TTLL9: variants seen among roughly 807,000 people sequenced by gnomAD.
TTLL9 encodes the protein tubulin tyrosine ligase like 9.
TTLL9 carries 47 observed loss-of-function variants against 65.6 expected under a neutral mutation model. That is an observed-to-expected ratio of 0.72 (90% confidence interval 0.57 to 0.91). The LOEUF (loss-of-function observed/expected upper bound fraction) is 0.91. Ranked by LOEUF, TTLL9 falls within the 40% of genes least tolerant of loss-of-function variation. The pLI is 0.00. For missense variants in TTLL9, 537 were observed against 568.8 expected (o/e 0.94, Z 0.57); for synonymous variants, 179 against 204.8 (o/e 0.87, Z 1.07).
Position 31,943,279 on chromosome 20 carries a change from C to CAGTT in TTLL9, c.*261_*264dup, listed in dbSNP as rs775593292. 2 of 546,900 alleles carry CAGTT rather than the reference C, an allele frequency of 3.7e-6. No individual in the cohort carries two copies. Among genetic ancestry groups the CAGTT allele is most frequent in the Admixed American group, 6.3e-5 (2 of 31,992 alleles). The allele number at this position is 546,900 out of a possible 1,614,324, so 33.9% of individuals were successfully genotyped here. A position where few individuals can be genotyped will look rare whatever the true frequency, so the allele number is the denominator to read the frequency against. ...GTTTAACCTTGACAAACTGACTTGG[C>CAGTT]AGTTAGGCCCAAAGAGAACAAATAC... On this transcript the variant is annotated 3_prime_UTR_variant, in exon 15 of 15. Coordinates refer to ENST00000535842, the MANE Select transcript of TTLL9 (RefSeq NM_001008409.5).
intron 10 of TTLL9, among the ~76,000 whole-genome samples, chr20:31,933,451 TAAAAG>T (rs1410653294): frequency 1.3e-5 from 2 of 151,894 alleles, no homozygotes; most frequent in South Asian, 2.1e-4. Context: ...CCACAAAGGT[TAAAAG>T]AAAAGAAAAG....
At chr20:31,914,860 C>T (rs1282801135) in intron 6 of TTLL9, among the ~76,000 whole-genome samples, 2 of 152,224 alleles carry the variant, frequency 1.3e-5, no homozygotes, top group Non-Finnish European at 2.9e-5. Context: ...CCCTGGCAAA[C>T]ACTGCTAGAC....
chr20:31,919,760 T>G, intron 6 of TTLL9, 104 bp from the exon 7 acceptor site: 1 of 915,898 alleles, frequency 1.1e-6, no homozygotes, highest in African/African-American at 1.7e-5. Context: ...TGGGGGTTCA[T>G]AAGGAAAAAG....
At position 31,909,731 on chromosome 20, in the gene TTLL9, A is replaced by G; in HGVS notation, c.319-6A>G. Reference sequence around the variant, plus strand: ...CTAATGGCCGCCTGTCCTTCCCGCCACCCAGCTGACCCGGAAGAACTACAT... The same window carrying G: ...CTAATGGCCGCCTGTCCTTCCCGCCGCCCAGCTGACCCGGAAGAACTACAT... On this transcript the variant is annotated splice_region_variant and splice_polypyrimidine_tract_variant and intron_variant, in intron 5 of 14. Coordinates refer to ENST00000535842, the MANE Select transcript of TTLL9 (RefSeq NM_001008409.5). The G allele has an allele frequency of 6.2e-7, 1 of 1,612,530 alleles. No individual in the cohort carries two copies. The highest frequency in any genetic ancestry group is 1.7e-5 in the Admixed American group (1 of 59,974).
At position 31,943,612 on chromosome 20, in the gene TTLL9, C is replaced by A. The variant is rs1340364683; in HGVS notation, c.*591C>A. On this transcript the variant is annotated 3_prime_UTR_variant, in exon 15 of 15. Transcript: ENST00000535842. Reference sequence around the variant, plus strand: ...TCTTCTCCTTGCATGTCAGGGGAGCCCATGGGGCTCCCTGACCATCATCTG... The same window carrying A: ...TCTTCTCCTTGCATGTCAGGGGAGCACATGGGGCTCCCTGACCATCATCTG... 1 of 395,992 alleles carries A rather than the reference C, an allele frequency of 2.5e-6. No individual in the cohort carries two copies. Among genetic ancestry groups the A allele is most frequent in the Non-Finnish European group, 5.0e-6 (1 of 199,116 alleles). 24.5% of individuals were successfully genotyped at this position (395,992 alleles called of 1,614,324 possible).
intron 6 of TTLL9, among the ~76,000 whole-genome samples, chr20:31,915,979 G>C (rs1203530750): frequency 6.6e-6 from 1 of 152,192 alleles, no homozygotes; most frequent in Non-Finnish European, 1.5e-5. Context: ...AGCTTGGACA[G>C]TGCTTGACAA....
At chr20:31,913,292 C>T (rs973757237) in intron 6 of TTLL9, among the ~76,000 whole-genome samples, 1 of 152,242 alleles carries the variant, frequency 6.6e-6, no homozygotes, top group Non-Finnish European at 1.5e-5. Flanking sequence ...ACACCAGGTT[C>T]TGAGGGTGCT....
At chr20:31,935,409 G>A (rs2064093326) in intron 12 of TTLL9, among the ~76,000 whole-genome samples, 1 of 152,176 alleles carries the variant, frequency 6.6e-6, no homozygotes, top group African/African-American at 2.4e-5. Flanking sequence ...TGAGGGTCAG[G>A]GAGCTTGAGG....
chr20:31,925,918 T>C (rs2063896417), intron 9 of TTLL9, 131 bp from the exon 10 acceptor site: 1 of 1,553,608 alleles, frequency 6.4e-7, no homozygotes, highest in Non-Finnish European at 8.7e-7. Flanking sequence ...CTTTGCCCGA[T>C]TCTCCAACAC....
At chr20:31,871,036 C>T in intron 1 of TTLL9, 86 bp from the exon 2 acceptor site, 2 of 1,266,928 alleles carry the variant, frequency 1.6e-6, no homozygotes, top group Non-Finnish European at 2.3e-6. Flanking sequence ...CATTCTCCCA[C>T]CCTCCTGTTC....
At chr20:31,890,142 C>CT (rs1568753417) in intron 3 of TTLL9, among the ~76,000 whole-genome samples, 7 of 25,132 alleles carry the variant, frequency 2.8e-4, no homozygotes, top group African/African-American at 1.3e-3. Context: ...TCCTTCCTTC[C>CT]TTCCTTCCTT....
At chr20:31,918,550 A>G (rs1235244479) in intron 6 of TTLL9, among the ~76,000 whole-genome samples, 2 of 152,028 alleles carry the variant, frequency 1.3e-5, no homozygotes, top group Non-Finnish European at 2.9e-5. Flanking sequence ...TTTTAAAGCT[A>G]TTTTTAGTAG....
chr20:31,933,968 C>A, intron 11 of TTLL9, 110 bp downstream of exon 11: 1 of 1,190,000 alleles, frequency 8.4e-7, no homozygotes, highest in Non-Finnish European at 1.2e-6. Flanking sequence ...AGCCTGTGTT[C>A]ACCAGTGAGG....
chr20:31,913,864 G>T (rs116460736), intron 6 of TTLL9, among the ~76,000 whole-genome samples: 2,559 of 152,326 alleles, frequency 0.017, 70 homozygotes, highest in African/African-American at 0.058. Flanking sequence ...GGTTGGTGGG[G>T]AGGTGGGCAG....
At chr20:31,873,838 AAGAAAG>A (rs772223182) in intron 2 of TTLL9, among the ~76,000 whole-genome samples, 1 of 114,596 alleles carries the variant, frequency 8.7e-6, no homozygotes, top group Non-Finnish European at 1.9e-5. Context: ...GAAAGAAAGA[AAGAAAG>A]AAAGAAAGAA....
intron 14 of TTLL9, among the ~76,000 whole-genome samples, chr20:31,942,417 C>T (rs975217752): frequency 2.6e-5 from 4 of 152,174 alleles, no homozygotes; most frequent in African/African-American, 9.7e-5. Context: ...TTGTGCCTGG[C>T]ACATGGGTTG....
Position 31,870,657 on chromosome 20 carries a change from G to A in TTLL9, c.-298G>A, listed in dbSNP as rs1002540188. 1.0e-5 allele frequency: 13 copies of A among 1,253,300 alleles called. No individual in the cohort carries two copies. In the African/African-American group the frequency reaches 1.9e-4, roughly 18 times the overall value. 77.6% of individuals were successfully genotyped at this position (1,253,300 alleles called of 1,614,324 possible). A position where few individuals can be genotyped will look rare whatever the true frequency, so the allele number is the denominator to read the frequency against. Reference sequence around the variant, plus strand: ...CCAGTGTGCCGGGCCCACGGCCCGCGGGACAACGGCAGTTTGTTGGGGCCG... The same window carrying A: ...CCAGTGTGCCGGGCCCACGGCCCGCAGGACAACGGCAGTTTGTTGGGGCCG... On this transcript the variant is annotated 5_prime_UTR_variant, in exon 1 of 15. Coordinates refer to ENST00000535842, the MANE Select transcript of TTLL9 (RefSeq NM_001008409.5). This position sits in a 1 kb window ranked among gnomAD's most constrained non-coding sequence, Gnocchi z 6.6.
intron 2 of TTLL9, among the ~76,000 whole-genome samples, chr20:31,882,757 G>A (rs2063136094): frequency 6.6e-6 from 1 of 152,134 alleles, no homozygotes; most frequent in African/African-American, 2.4e-5. Context: ...CAATATGACA[G>A]ATGAGATTTC....
At chr20:31,908,257 A>G (rs558503609) in intron 4 of TTLL9, among the ~76,000 whole-genome samples, 13 of 152,208 alleles carry the variant, frequency 8.5e-5, no homozygotes, top group African/African-American at 2.9e-4. Context: ...CACCACAGAG[A>G]GTCATGGGGA....
Sources: allele counts gnomAD v4.1 joint callset (sites outside exome capture counted in the v4.1 genomes callset), GRCh38; gene constraint gnomAD v4.1.1; non-coding constraint Gnocchi (gnomAD v3.1); transcripts MANE v1.5; gene names NCBI Gene and HGNC (gene_info 2026-07-23, HGNC 2026-07-21).